The following POU2AF1 variants were observed in gnomAD, a reference collection of about 807,000 sequenced individuals.
The protein encoded by POU2AF1 is POU domain class 2-associating factor 1.
POU2AF1 carries 12 observed loss-of-function variants against 26.3 expected under a neutral mutation model. The observed-to-expected ratio is 0.46, with a 90% confidence interval of 0.29 to 0.74. The LOEUF (loss-of-function observed/expected upper bound fraction) is 0.74. Among genes scored for constraint, POU2AF1 ranks in the 30% least tolerant of loss-of-function variants. The probability of loss-of-function intolerance (pLI) is 0.09; values close to 1 mark genes in which losing one functional copy is unlikely to be tolerated. For missense variants in POU2AF1, 297 were observed against 334.5 expected (o/e 0.89, Z 0.87); for synonymous variants, 175 against 148.0 (o/e 1.18, Z -1.32).
Position 111,375,446 on chromosome 11 carries a change from G to C in POU2AF1, c.16+3716C>G, listed in dbSNP as rs566588224. 1.9e-4 allele frequency among the ~76,000 whole-genome samples: 25 copies of C among 130,288 alleles called. 2 individuals are homozygous for C. The South Asian group carries it at 6.3e-3, about 33-fold the overall frequency. 85.5% of individuals were successfully genotyped at this position (130,288 alleles called of 152,430 possible). On this transcript the variant is annotated intron_variant, in intron 1 of 4. Transcript: ENST00000393067. The stretch of plus-strand genomic sequence containing the variant: ...GAGTCTCGCTCTGTACCCCAGGCTG[G>C]AGTGCAGTGGCACGATCTCGGCTCA...
intron 1 of POU2AF1, among the ~76,000 whole-genome samples, chr11:111,374,123 T>TTTTTG (rs1434736131): frequency 1.3e-5 from 2 of 149,270 alleles, no homozygotes; most frequent in Non-Finnish European, 3.0e-5. Flanking sequence ...TTGATTTTTT[T>TTTTTG]TTTTTTTTTT....
At chr11:111,371,839 G>A (rs1861214555) in intron 1 of POU2AF1, among the ~76,000 whole-genome samples, 1 of 151,972 alleles carries the variant, frequency 6.6e-6, no homozygotes, top group Non-Finnish European at 1.5e-5. Flanking sequence ...GCAGAAGGAG[G>A]AAAAAGGACT....
At chr11:111,359,199 C>G (rs1860956749) in intron 1 of POU2AF1, 1 of 512,662 alleles carries the variant, frequency 2.0e-6, no homozygotes, top group African/African-American at 1.9e-5. Flanking sequence ...ACTTTGCACA[C>G]TCCCTACTAC....
At chr11:111,378,269 C>T (rs7107388) in intron 1 of POU2AF1, among the ~76,000 whole-genome samples, 4 of 151,614 alleles carry the variant, frequency 2.6e-5, no homozygotes, top group East Asian at 1.9e-4. Context: ...TTAATTAAAA[C>T]GAATTTTAAG....
intron 1 of POU2AF1, among the ~76,000 whole-genome samples, chr11:111,361,915 TC>T (rs1861017094): frequency 6.6e-6 from 1 of 152,172 alleles, no homozygotes; most frequent in South Asian, 2.1e-4. Context: ...ATACCAGGTG[TC>T]CCCCTAGGTC....
At chr11:111,368,477 G>A (rs1164929877) in intron 1 of POU2AF1, among the ~76,000 whole-genome samples, 1 of 152,040 alleles carries the variant, frequency 6.6e-6, no homozygotes, top group African/African-American at 2.4e-5. Flanking sequence ...CAGATTCTAA[G>A]ATGGAAATCA....
At position 111,357,743 on chromosome 11, in the gene POU2AF1, T is replaced by C. The variant is rs562538900; in HGVS notation, c.191-33A>G. On this transcript the variant is annotated intron_variant, in intron 3 of 4. Transcript: ENST00000393067. ...AAGAAGGAAATTACAGAACTTCAGA[T>C]GCCACCCAGATGAGAGGCCTGGGGG... is the stretch of plus-strand genomic sequence containing the variant. 1.1e-4 allele frequency: 171 copies of C among 1,612,128 alleles called. 1 individual carries two copies. In the South Asian group the frequency reaches 1.7e-3, roughly 16 times the overall value.
intron 1 of POU2AF1, among the ~76,000 whole-genome samples, chr11:111,360,875 T>C (rs1057083868): frequency 4.1e-5 from 6 of 146,324 alleles, no homozygotes; most frequent in Non-Finnish European, 6.0e-5. Context: ...ACCTGGGAGG[T>C]GGAGGTTGCA....
chr11:111,358,547 T>TAC (rs35133488), intron 2 of POU2AF1, among the ~76,000 whole-genome samples: 175 of 95,116 alleles, frequency 1.8e-3, no homozygotes, highest in African/African-American at 6.5e-3. Flanking sequence ...CACAAACACA[T>TAC]ACACACTCAC....
In POU2AF1 at chr11:111,358,695, TACTC is replaced by T. The variant is rs200472142; in HGVS notation, c.147+89_147+92del. ...AAACACATACACACACGCATACACA[TACTC>T]ACACACACATACACTCTCACACTAT... On this transcript the variant is annotated intron_variant, in intron 2 of 4. Transcript: ENST00000393067. The T allele has an allele frequency of 9.1e-4, 828 of 913,434 alleles. 9 individuals are homozygous for T. In the East Asian group the frequency reaches 0.012, roughly 13 times the overall value. 56.6% of individuals were successfully genotyped at this position (913,434 alleles called of 1,614,324 possible). A position where few individuals can be genotyped will look rare whatever the true frequency, so the allele number is the denominator to read the frequency against.
chr11:111,378,891 G>A (rs2135145918), intron 1 of POU2AF1, among the ~76,000 whole-genome samples: 1 of 152,264 alleles, frequency 6.6e-6, no homozygotes, highest in Middle Eastern at 3.4e-3. Flanking sequence ...TTCATGCACA[G>A]AAGCGGAGGT....
In POU2AF1 at chr11:111,358,485, G is replaced by GAC. The variant is rs781098227; in HGVS notation, c.147+301_147+302dup. 1.1e-3 allele frequency among the ~76,000 whole-genome samples: 46 copies of GAC among 43,524 alleles called. 1 individual carries two copies. The highest frequency in any genetic ancestry group is 2.7e-3 in the African/African-American group (44 of 16,564). 28.6% of individuals were successfully genotyped at this position (43,524 alleles called of 152,430 possible). On this transcript the variant is annotated intron_variant, in intron 2 of 4. Coordinates refer to ENST00000393067, the MANE Select transcript of POU2AF1 (RefSeq NM_006235.3). ...TCACACACATACATTCTCACACACTGACACATACACATTCTCTCTCACACT... is the reference window on the plus strand; with the variant it reads ...TCACACACATACATTCTCACACACTGACACACATACACATTCTCTCTCACACT...
In POU2AF1 at chr11:111,357,446, G is replaced by A. The variant is rs775750681; in HGVS notation, c.455C>T (p.Thr152Met). The change falls in exon 4 of 5, where the codon ACG becomes ATG. Residue 152 changes from threonine to methionine, a missense_variant and splice_region_variant. Transcript: ENST00000393067. ...CAGTCCTGCCTTTGTGTGACATACC[G>A]TGACATTGGTGATGAGTGGCGGAGA... Reference protein sequence around the residue: ...YASPPLITNVTTRSSATPAVG... With the variant: ...YASPPLITNVMTRSSATPAVG... 8.7e-6 allele frequency: 14 copies of A among 1,614,058 alleles called. No homozygotes were observed. The highest frequency in any genetic ancestry group is 4.0e-5 in the African/African-American group (3 of 74,924).
chr11:111,357,820 C>T lies in POU2AF1; in HGVS notation c.165G>A (p.Gln55=), dbSNP rs775101471. Residue 55 remains glutamine (Q), a synonymous_variant, in exon 3 of 5, where the codon CAG becomes CAA. Coordinates refer to ENST00000393067, the MANE Select transcript of POU2AF1 (RefSeq NM_006235.3). ...PAPTAVVLPH[Q]PLATYTTVGP... ...CCACTGTGGTGTAGGTCGCCAGGGGCTGATGGGGCAGCACCACCTAGAGGG... is the reference window on the plus strand; with the variant it reads ...CCACTGTGGTGTAGGTCGCCAGGGGTTGATGGGGCAGCACCACCTAGAGGG... The T allele has an allele frequency of 2.5e-6, 4 of 1,612,484 alleles. No individual in the cohort carries two copies. In the East Asian group the frequency reaches 8.9e-5, roughly 36 times the overall value.
chr11:111,359,202 C>G lies in POU2AF1; in HGVS notation c.17-284G>C, dbSNP rs187154437. Reference sequence around the variant, plus strand: ...ATTTTTCTCACCACTTTGCACACTCCCTACTACACAAACCCTGTCTCCAAC... The same window carrying G: ...ATTTTTCTCACCACTTTGCACACTCGCTACTACACAAACCCTGTCTCCAAC... On this transcript the variant is annotated intron_variant, in intron 1 of 4. Transcript: ENST00000393067. The G allele has an allele frequency of 2.5e-4, 122 of 494,212 alleles. 2 individuals are homozygous for G. The Admixed American group carries it at 2.7e-3, about 11-fold the overall frequency. The allele number at this position is 494,212 out of a possible 1,614,324, so 30.6% of individuals were successfully genotyped here.
intron 1 of POU2AF1, 42 bp downstream of exon 1, chr11:111,379,120 T>G: frequency 6.2e-7 from 1 of 1,611,306 alleles, no homozygotes; most frequent in South Asian, 1.1e-5. Flanking sequence ...CCTGCCCCGC[T>G]GGCACTCGCT....
intron 1 of POU2AF1, among the ~76,000 whole-genome samples, chr11:111,371,581 A>G (rs554562786): frequency 6.6e-6 from 1 of 152,344 alleles, no homozygotes; most frequent in Admixed American, 6.5e-5. Flanking sequence ...ACCACAAGTT[A>G]CAAGACTGGA....
At chr11:111,370,083 T>C (rs774250316) in intron 1 of POU2AF1, among the ~76,000 whole-genome samples, 4 of 152,216 alleles carry the variant, frequency 2.6e-5, no homozygotes, top group Admixed American at 6.5e-5. Context: ...CAGACCCAAC[T>C]GCCCAAGTTC....
At position 111,379,052 on chromosome 11, in the gene POU2AF1, C is replaced by G. The variant is rs537011885; in HGVS notation, c.16+110G>C. ...GGGCTTGGAACCCAGACCCCCTCCC[C>G]CCGTGGCCCCATCACCTCCACCACC... On this transcript the variant is annotated intron_variant, in intron 1 of 4. Coordinates refer to ENST00000393067, the MANE Select transcript of POU2AF1 (RefSeq NM_006235.3). 2.8e-5 allele frequency: 38 copies of G among 1,361,566 alleles called. 1 individual carries two copies. In the South Asian group the frequency reaches 3.7e-4, roughly 13 times the overall value. The allele number at this position is 1,361,566 out of a possible 1,614,324, so 84.3% of individuals were successfully genotyped here. A position where few individuals can be genotyped will look rare whatever the true frequency, so the allele number is the denominator to read the frequency against.
Sources: allele counts gnomAD v4.1 joint callset (sites outside exome capture counted in the v4.1 genomes callset), GRCh38; gene constraint gnomAD v4.1.1; transcripts MANE v1.5; gene names NCBI Gene and HGNC (gene_info 2026-07-23, HGNC 2026-07-21).